The following NBPF19 variants were observed in gnomAD, a reference collection of about 807,000 sequenced individuals.
NBPF19 encodes NBPF member 19, also known as NBPF family member NBPF19.
NBPF19 carries 30 observed loss-of-function variants against 45.9 expected under a neutral mutation model. The observed-to-expected ratio is 0.65, with a 90% CI of 0.49 to 0.89. The LOEUF is 0.89. NBPF19 is among the 40% of genes least tolerant of loss of function. The probability of loss-of-function intolerance (pLI) is 0.00; values close to 1 mark genes in which losing one functional copy is unlikely to be tolerated. For synonymous variants in NBPF19, 183 were observed against 181.2 expected, an observed-to-expected ratio of 1.01 and a Z score of -0.08; for missense variants, 495 against 471.8, an observed-to-expected ratio of 1.05 and a Z score of -0.46.
intron 2 of NBPF19, among the ~76,000 whole-genome samples, chr1:149,477,664 C>A (rs1438406652): frequency 6.6e-6 from 1 of 151,286 alleles, no homozygotes; most frequent in Non-Finnish European, 1.5e-5. Flanking sequence ...CAGAGTCAGA[C>A]CTCAGGGGCT....
rs1203453885 is a variant in NBPF19 at position 149,509,957 on chromosome 1, CGT to C, written c.4419-199_4419-198del. Reference sequence around the variant, plus strand: ...CTGTGTGTGTGTGTGTGTGTGTGTGCGTGTGTGTGTGTGTGTGTGTGTGTCCA... The same window carrying C: ...CTGTGTGTGTGTGTGTGTGTGTGTGCGTGTGTGTGTGTGTGTGTGTGTCCA... On this transcript the variant is annotated intron_variant, in intron 37 of 93. Coordinates refer to ENST00000651566, the MANE Select transcript of NBPF19 (RefSeq NM_001351365.2). 2.0e-3 allele frequency among the ~76,000 whole-genome samples: 94 copies of C among 46,022 alleles called. 1 individual carries two copies. In the East Asian group the frequency reaches 0.023, roughly 11 times the overall value. 30.2% of individuals were successfully genotyped at this position (46,022 alleles called of 152,430 possible).
chr1:149,477,123 CCAT>C (rs1487919722), intron 2 of NBPF19, among the ~76,000 whole-genome samples: 1 of 149,388 alleles, frequency 6.7e-6, no homozygotes, highest in African/African-American at 2.5e-5. Flanking sequence ...CTCCTGGGCT[CCAT>C]CCAAGTTGCT....
In NBPF19 at chr1:149,487,138, T is replaced by C. The variant is rs1165280505; in HGVS notation, c.989-194T>C. ...GATAACATTCCAACACAGGGGAATT[T>C]TGCCCAAGGCTCATGAAAGAACCCA... On this transcript the variant is annotated intron_variant, in intron 8 of 93. Transcript: ENST00000651566. Among the ~76,000 whole-genome samples, 2 of 151,052 alleles carry C rather than the reference T, an allele frequency of 1.3e-5. 1 individual carries two copies. The highest frequency in any genetic ancestry group is 3.0e-5 in the Non-Finnish European group (2 of 67,552).
At chr1:149,478,582 T>C (rs1473718638) in intron 3 of NBPF19, among the ~76,000 whole-genome samples, 6 of 151,058 alleles carry the variant, frequency 4.0e-5, no homozygotes, top group East Asian at 1.9e-4. Context: ...ATGGCCAGAG[T>C]GAGGAACTGA....
rs1390777188 is a variant in NBPF19 at position 149,487,225 on chromosome 1, T to A, written c.989-107T>A. ...CAATATTTCTCTCAAAGTCTCCTGT[T>A]CTCACACTGACAAGACTGATGTCCC... On this transcript the variant is annotated intron_variant, in intron 8 of 93. Transcript: ENST00000651566. 11 of 833,108 alleles carry A rather than the reference T, an allele frequency of 1.3e-5. No homozygotes were observed. The Admixed American group carries it at 1.4e-4, about 10-fold the overall frequency. The allele number at this position is 833,108 out of a possible 1,614,324, so 51.6% of individuals were successfully genotyped here.
intron 93 of NBPF19, among the ~76,000 whole-genome samples, chr1:149,554,231 C>A (rs1371259362): frequency 6.6e-6 from 1 of 151,652 alleles, no homozygotes; most frequent in Non-Finnish European, 1.5e-5. Context: ...TACTCCCTTA[C>A]CAGTATGTCA....
chr1:149,535,386 A>G (rs1257097468), intron 69 of NBPF19, among the ~76,000 whole-genome samples, 168 bp from the exon 70 acceptor site: 58 of 141,370 alleles, frequency 4.1e-4, no homozygotes, highest in Non-Finnish European at 7.0e-4. Flanking sequence ...ATTGTTTTCT[A>G]CCTGGCCCTG....
chr1:149,519,627 T>C lies in NBPF19; in HGVS notation c.5883-61T>C. 8.0e-4 allele frequency: 29 copies of C among 36,466 alleles called. 6 individuals carry two copies. Among genetic ancestry groups the C allele is most frequent in the South Asian group, 3.6e-3 (29 of 8,066 alleles). The allele number at this position is 36,466 out of a possible 1,614,324, so 2.3% of individuals were successfully genotyped here. On this transcript the variant is annotated intron_variant, in intron 49 of 93. Coordinates refer to ENST00000651566, the MANE Select transcript of NBPF19 (RefSeq NM_001351365.2). ...TCCCTATGCTACCCATGAAACCTAGTTGGGGCTCTGTTGTGTGTGATTTCC... is the reference window on the plus strand; with the variant it reads ...TCCCTATGCTACCCATGAAACCTAGCTGGGGCTCTGTTGTGTGTGATTTCC...
chr1:149,480,407 G>C (rs1168740024), intron 5 of NBPF19, among the ~76,000 whole-genome samples, 193 bp downstream of exon 5: 1 of 148,362 alleles, frequency 6.7e-6, no homozygotes, highest in African/African-American at 2.5e-5. Flanking sequence ...TGTCATGTCT[G>C]CACCTTACAG....
chr1:149,509,916 TTCTC>T (rs1169434703), intron 37 of NBPF19, among the ~76,000 whole-genome samples: 10 of 5,470 alleles, frequency 1.8e-3, no homozygotes, highest in African/African-American at 0.012. Context: ...ACTGAGCTCG[TTCTC>T]TCTCTCTCTC....
In NBPF19 at chr1:149,554,647, G is replaced by T. The variant is rs1229969310; in HGVS notation, c.11441G>T (p.Ser3814Ile). 4 of 1,608,218 alleles carry T rather than the reference G, an allele frequency of 2.5e-6. No homozygotes were observed. The South Asian group carries it at 3.3e-5, about 13-fold the overall frequency. ...VFYSFEEEHISFALYLDNRFF... is the reference protein window; with the variant it reads ...VFYSFEEEHIIFALYLDNRFF... ...TACTCATTTGAGGAAGAGCATATCAGCTTCGCCCTTTACTTGGACAATAGG... is the reference window on the plus strand; with the variant it reads ...TACTCATTTGAGGAAGAGCATATCATCTTCGCCCTTTACTTGGACAATAGG... Residue 3814 changes from serine to isoleucine, a missense_variant, in exon 94 of 94, where the codon AGC becomes ATC. By Grantham distance (142) the Ser-to-Ile change is moderately radical. Transcript: ENST00000651566.
chr1:149,478,091 G>C, intron 3 of NBPF19, 44 bp downstream of exon 3: 6 of 1,395,424 alleles, frequency 4.3e-6, no homozygotes, highest in Non-Finnish European at 6.1e-6. Context: ...TAGGTGTGTA[G>C]ATCTCTGAAG....
intron 4 of NBPF19, among the ~76,000 whole-genome samples, chr1:149,479,559 C>CT (rs1176742120): frequency 6.7e-6 from 1 of 148,298 alleles, no homozygotes; most frequent in Non-Finnish European, 1.5e-5. Context: ...TATGGGAACA[C>CT]TTACGAATGC....
chr1:149,516,359 C>CTA (rs1218860646), intron 45 of NBPF19, among the ~76,000 whole-genome samples: 1 of 124,970 alleles, frequency 8.0e-6, no homozygotes, highest in Non-Finnish European at 1.7e-5. Context: ...CTGTCTCTCT[C>CTA]TCTCTCTCTC....
rs1447630383 is a variant in NBPF19, at chr1:149,479,116, A to T, written c.493+22A>T. On this transcript the variant is annotated intron_variant, in intron 4 of 93. Coordinates refer to ENST00000651566, the MANE Select transcript of NBPF19 (RefSeq NM_001351365.2). The stretch of plus-strand genomic sequence containing the variant: ...CCAGGTAAGGTGGCCATAGGCCCTG[A>T]TGACCCAAAACCCCAGGCTTATGAG... 4 of 1,435,268 alleles carry T rather than the reference A, an allele frequency of 2.8e-6. No homozygotes were observed. The Admixed American group carries it at 6.8e-5, about 25-fold the overall frequency. The allele number at this position is 1,435,268 out of a possible 1,614,324, so 88.9% of individuals were successfully genotyped here.
intron 3 of NBPF19, among the ~76,000 whole-genome samples, chr1:149,478,427 A>G (rs1215310174): frequency 1.3e-5 from 2 of 151,104 alleles, no homozygotes; most frequent in African/African-American, 4.9e-5. Flanking sequence ...CTTTCACTCA[A>G]TCAATGTTGC....
rs1439929580 is a variant in NBPF19 at position 149,488,198 on chromosome 1, C to G, written c.1213+13C>G. On this transcript the variant is annotated intron_variant, in intron 10 of 93. Coordinates refer to ENST00000651566, the MANE Select transcript of NBPF19 (RefSeq NM_001351365.2). The stretch of plus-strand genomic sequence containing the variant: ...ATTGACATGGATGGTGAGTACCTTT[C>G]TATGAAGGTGATAAGGATCCACTGA... The G allele has an allele frequency of 8.1e-6, 5 of 620,404 alleles. 1 individual carries two copies. Among genetic ancestry groups the G allele is most frequent in the Admixed American group, 2.6e-5 (1 of 39,064 alleles). The allele number at this position is 620,404 out of a possible 1,614,324, so 38.4% of individuals were successfully genotyped here. A position where few individuals can be genotyped will look rare whatever the true frequency, so the allele number is the denominator to read the frequency against.
chr1:149,554,339 C>G (rs1375481386), intron 93 of NBPF19, among the ~76,000 whole-genome samples, 156 bp from the exon 94 acceptor site: 2 of 151,450 alleles, frequency 1.3e-5, no homozygotes, highest in East Asian at 1.9e-4. Context: ...CCTGTTCTAT[C>G]CCAACATAAA....
chr1:149,484,460 A>G (rs1290441071), intron 7 of NBPF19, among the ~76,000 whole-genome samples: 2 of 145,232 alleles, frequency 1.4e-5, no homozygotes, highest in South Asian at 2.3e-4. Context: ...ACTAACCTGC[A>G]CGTTGTGCAC....
Sources: allele counts gnomAD v4.1 joint callset (sites outside exome capture counted in the v4.1 genomes callset), GRCh38; gene constraint gnomAD v4.1.1; transcripts MANE v1.5; gene names NCBI Gene and HGNC (gene_info 2026-07-23, HGNC 2026-07-21).